The following PLCG2 variants were observed in gnomAD, a reference collection of about 807,000 sequenced individuals.
PLCG2 encodes phospholipase C gamma 2, also known as 1-phosphatidylinositol 4,5-bisphosphate phosphodiesterase gamma-2.
Under a neutral mutation model 175.6 loss-of-function variants are expected in PLCG2, and 69 were observed. The observed-to-expected ratio is 0.39, with a 90% confidence interval of 0.32 to 0.48. The LOEUF (loss-of-function observed/expected upper bound fraction) is 0.48, where lower values mean the gene tolerates loss of function less well. Among genes scored for constraint, PLCG2 ranks in the 20% least tolerant of loss-of-function variants. The pLI is 0.91. For synonymous variants in PLCG2, 827 were observed against 624.0 expected, an observed-to-expected ratio of 1.33 and a Z score of -4.85; for missense variants, 1,798 against 1,650.9, an observed-to-expected ratio of 1.09 and a Z score of -1.54.
chr16:81,829,100 T>C (rs1905158020), intron 2 of PLCG2, among the ~76,000 whole-genome samples: 1 of 152,080 alleles, frequency 6.6e-6, no homozygotes, highest in Admixed American at 6.6e-5. Flanking sequence ...GGGTAGTTAG[T>C]AGTTTTTATT....
At chr16:81,777,396 G>A (rs1329391150), upstream of PLCG2, among the ~76,000 whole-genome samples, 3 of 141,872 alleles carry the variant, frequency 2.1e-5, no homozygotes, top group Non-Finnish European at 4.6e-5. Flanking sequence ...TAAAACAAAA[G>A]TGTGAAAAAG....
At chr16:81,844,931 G>GTTCT (rs531473955) in intron 2 of PLCG2, among the ~76,000 whole-genome samples, 439 of 152,150 alleles carry the variant, frequency 2.9e-3, no homozygotes, top group Middle Eastern at 0.014. Context: ...GAGACACCAT[G>GTTCT]TTCTTTCTTT....
At chr16:81,955,395 C>T (rs1365984769) in intron 31 of PLCG2, among the ~76,000 whole-genome samples, 1 of 152,190 alleles carries the variant, frequency 6.6e-6, no homozygotes, top group Non-Finnish European at 1.5e-5. Context: ...TGACTTGACC[C>T]TCCTGCAAAG....
At chr16:81,793,164 T>C (rs1013317667) in intron 2 of PLCG2, among the ~76,000 whole-genome samples, 2 of 152,196 alleles carry the variant, frequency 1.3e-5, no homozygotes, top group African/African-American at 4.8e-5. Flanking sequence ...GGTTCCCTAT[T>C]GCTTTCCAGG....
intron 2 of PLCG2, among the ~76,000 whole-genome samples, chr16:81,832,424 C>CT (rs1905298033): frequency 1.3e-5 from 2 of 152,246 alleles, no homozygotes; most frequent in Admixed American, 1.3e-4. Flanking sequence ...CGATCTCACT[C>CT]TATCACCCAG....
upstream of PLCG2, among the ~76,000 whole-genome samples, chr16:81,778,160 G>A (rs989622714): frequency 2.6e-5 from 4 of 152,120 alleles, no homozygotes; most frequent in African/African-American, 9.7e-5. Context: ...AGGATTGCTT[G>A]AGGTCAGGAG....
intron 1 of PLCG2, among the ~76,000 whole-genome samples, chr16:81,753,345 T>G (rs1355226697): frequency 2.7e-5 from 4 of 146,904 alleles, no homozygotes; most frequent in Admixed American, 2.0e-4. Flanking sequence ...CTGGCAGGTT[T>G]TTTTTTTTTT....
intron 2 of PLCG2, among the ~76,000 whole-genome samples, chr16:81,817,723 C>A (rs528664181): frequency 6.6e-6 from 1 of 152,214 alleles, no homozygotes; most frequent in East Asian, 1.9e-4. Flanking sequence ...CAGACTCAAG[C>A]GACCCCCATG....
chr16:81,907,036 C>CCAAA (rs1909401246), intron 15 of PLCG2, among the ~76,000 whole-genome samples: 1 of 96,738 alleles, frequency 1.0e-5, no homozygotes, highest in Non-Finnish European at 2.1e-5. Context: ...GACTCTGTCT[C>CCAAA]AAAAAAAAAA....
intron 2 of PLCG2, among the ~76,000 whole-genome samples, chr16:81,805,257 T>C (rs1016051305): frequency 1.3e-5 from 2 of 152,096 alleles, no homozygotes; most frequent in Admixed American, 6.6e-5. Flanking sequence ...CCCAGCACTT[T>C]GGGAGGCCAA....
At position 81,900,539 on chromosome 16, in the gene PLCG2, C is replaced by T. The variant is rs938976507; in HGVS notation, c.1194-73C>T. On this transcript the variant is annotated intron_variant, in intron 13 of 32. Coordinates refer to ENST00000564138, the MANE Select transcript of PLCG2 (RefSeq NM_002661.5). The stretch of plus-strand genomic sequence containing the variant: ...GTTTCTGTCGTCCCAGGGAGCTGCC[C>T]TGGCCCCTCTGTGGGGCAGATGCAG... The T allele has an allele frequency of 2.8e-6, 4 of 1,405,098 alleles. No homozygotes were observed. The African/African-American group carries it at 5.7e-5, about 20-fold the overall frequency. The allele number at this position is 1,405,098 out of a possible 1,614,324, so 87.0% of individuals were successfully genotyped here. A position where few individuals can be genotyped will look rare whatever the true frequency, so the allele number is the denominator to read the frequency against.
chr16:81,752,342 G>A (rs1283561302), intron 1 of PLCG2, among the ~76,000 whole-genome samples: 2 of 152,196 alleles, frequency 1.3e-5, no homozygotes, highest in Admixed American at 1.3e-4. Flanking sequence ...TACCCGGCCA[G>A]CTCCTCCACT....
intron 2 of PLCG2, among the ~76,000 whole-genome samples, chr16:81,849,793 A>C (rs1044692923): frequency 1.3e-5 from 2 of 149,302 alleles, no homozygotes; most frequent in East Asian, 1.9e-4. Context: ...AAAAAAAAAA[A>C]AAAACCAAAA....
chr16:81,908,874 G>A (rs1028550603), intron 17 of PLCG2, among the ~76,000 whole-genome samples: 2 of 152,166 alleles, frequency 1.3e-5, no homozygotes, highest in Non-Finnish European at 2.9e-5. Context: ...ACAAAGACAA[G>A]ATCTGACCCT....
intron 2 of PLCG2, among the ~76,000 whole-genome samples, chr16:81,764,261 T>C (rs574902398): frequency 1.3e-5 from 2 of 152,286 alleles, no homozygotes; most frequent in African/African-American, 4.8e-5. Context: ...TGAGCCACTG[T>C]ACTGCACCCT....
intron 4 of PLCG2, 94 bp from the exon 5 acceptor site, chr16:81,859,022 T>G: frequency 1.4e-6 from 1 of 740,554 alleles, no homozygotes; most frequent in Non-Finnish European, 2.3e-6. Flanking sequence ...TTGGTTCCAG[T>G]TCCTTTTGTG....
In PLCG2 at chr16:81,936,323, C is replaced by A. The variant is rs759565273; in HGVS notation, c.2997C>A (p.Pro999=). The change falls in exon 27 of 33, where the codon CCC becomes CCA. Residue 999 remains proline, a synonymous_variant. Coordinates refer to ENST00000564138, the MANE Select transcript of PLCG2 (RefSeq NM_002661.5). ...GAGTTGACTCTTCAAACTACGACCC[C>A]TTCCGCCTCTGGCTGTGCGGTTCTC... ...GQRVDSSNYD[P]FRLWLCGSQM... is the part of the protein sequence containing the mutation. The A allele has an allele frequency of 1.9e-6, 3 of 1,614,222 alleles. No individual in the cohort carries two copies. The highest frequency in any genetic ancestry group is 2.2e-5 in the South Asian group (2 of 91,086).
chr16:81,928,746 C>G, intron 24 of PLCG2, 122 bp downstream of exon 24: 2 of 697,836 alleles, frequency 2.9e-6, no homozygotes, highest in Non-Finnish European at 5.3e-6. Flanking sequence ...AGCTCCTTCC[C>G]TGGCTGAAGC....
chr16:81,951,905 G>A (rs949582462), intron 31 of PLCG2, among the ~76,000 whole-genome samples: 1 of 152,152 alleles, frequency 6.6e-6, no homozygotes, highest in African/African-American at 2.4e-5. Context: ...AATTTAAACT[G>A]TACAAATTCT....
Sources: allele counts gnomAD v4.1 joint callset (sites outside exome capture counted in the v4.1 genomes callset), GRCh38; gene constraint gnomAD v4.1.1; transcripts MANE v1.5; gene names NCBI Gene and HGNC (gene_info 2026-07-23, HGNC 2026-07-21).